ATG4D: variants seen among roughly 807,000 people sequenced by gnomAD.
ATG4D encodes autophagy related 4D cysteine peptidase.
A neutral mutation model predicts 55.2 loss-of-function variants in ATG4D; 51 were observed. The observed-to-expected ratio is 0.92, with a 90% CI of 0.74 to 1.17. ATG4D has a LOEUF of 1.17. Ranked by LOEUF, ATG4D falls within the 50% of genes most tolerant of loss-of-function variation. ATG4D has a pLI of 0.00. For synonymous variants in ATG4D, 268 were observed against 266.2 expected (o/e 1.01, Z -0.07); for missense variants, 635 against 649.6 (o/e 0.98, Z 0.25).
At chr19:10,544,756 C>T (rs776649819) in intron 1 of ATG4D, 27 bp from the exon 2 acceptor site, 2 of 1,612,514 alleles carry the variant, frequency 1.2e-6, no homozygotes, top group Non-Finnish European at 1.7e-6. Context: ...CTTCATCTCG[C>T]TGGGCGCTGC....
rs375489909 is a variant in ATG4D, at chr19:10,547,253, G to A, written c.835G>A (p.Val279Met). 31 of 1,612,386 alleles carry A rather than the reference G, an allele frequency of 1.9e-5. No individual in the cohort carries two copies. Among genetic ancestry groups the A allele is most frequent in the Middle Eastern group, 1.7e-4 (1 of 6,058 alleles). ...LVVYVSQDCTVYKADVARLVA... is the reference protein window; with the variant it reads ...LVVYVSQDCTMYKADVARLVA... ...GGTGTACGTTTCTCAGGACTGCACA[G>A]GTAAGGGGCTGGGAGCCAAGATCAC... is the stretch of plus-strand genomic sequence containing the variant. The change falls in exon 5 of 10, where the codon GTG becomes ATG. Residue 279 changes from valine to methionine, a missense_variant and splice_region_variant. Coordinates refer to ENST00000309469, the MANE Select transcript of ATG4D (RefSeq NM_032885.6).
In ATG4D at chr19:10,548,938, G is replaced by A; in HGVS notation, c.870G>A (p.Arg290=). 1 of 1,614,100 alleles carries A rather than the reference G, an allele frequency of 6.2e-7. No homozygotes were observed. The highest frequency in any genetic ancestry group is 8.5e-7 in the Non-Finnish European group (1 of 1,180,022). ...YKADVARLVA[R]PDPTAEWKSV... ...CGGATGTGGCACGCCTGGTGGCCAG[G>A]CCAGACCCCACAGCCGAGTGGAAGT... The change falls in exon 6 of 10, where the codon AGG becomes AGA. Residue 290 remains arginine, a synonymous_variant. Coordinates refer to ENST00000309469, the MANE Select transcript of ATG4D (RefSeq NM_032885.6).
chr19:10,552,306 C>CT lies in ATG4D; in HGVS notation c.1225dup (p.Cys409LeufsTer61). On this transcript the variant is annotated frameshift_variant, in exon 9 of 10. Coordinates refer to ENST00000309469, the MANE Select transcript of ATG4D (RefSeq NM_032885.6). LOFTEE classifies it high-confidence loss of function. ...GAGACAGGAAGGAGTTTGAGACACTCTGCTCAGAGCTGACCAGGGTGAGCA... is the reference window on the plus strand; with the variant it reads ...GAGACAGGAAGGAGTTTGAGACACTCTTGCTCAGAGCTGACCAGGGTGAGCA... 1 of 1,612,910 alleles carries CT rather than the reference C, an allele frequency of 6.2e-7. No individual in the cohort carries two copies. Among genetic ancestry groups the CT allele is most frequent in the Non-Finnish European group, 8.5e-7 (1 of 1,179,974 alleles).
In ATG4D at chr19:10,548,897, C is replaced by T; in HGVS notation, c.836-7C>T. ...GAAGGTGACCTGCTGCTGTCCCGTC[C>T]CTCCAGTGTACAAGGCGGATGTGGC... On this transcript the variant is annotated splice_polypyrimidine_tract_variant and splice_region_variant and intron_variant, in intron 5 of 9. Transcript: ENST00000309469. The T allele has an allele frequency of 6.2e-7, 1 of 1,612,914 alleles. No homozygotes were observed. The highest frequency in any genetic ancestry group is 8.5e-7 in the Non-Finnish European group (1 of 1,179,098).
chr19:10,547,139 G>A (rs775554790), intron 4 of ATG4D, 24 bp downstream of exon 4: 3 of 1,610,136 alleles, frequency 1.9e-6, no homozygotes, highest in East Asian at 2.2e-5. Flanking sequence ...CAGGGATCAC[G>A]GGAGTTGCTG....
Position 10,553,195 on chromosome 19 carries a change from A to G in ATG4D, c.*128A>G. Reference sequence around the variant, plus strand: ...TGTCAGCCCCTCAAGCCCAGCTGCAACCAGTCTGGGGCCATTCAGCCAGGG... The same window carrying G: ...TGTCAGCCCCTCAAGCCCAGCTGCAGCCAGTCTGGGGCCATTCAGCCAGGG... On this transcript the variant is annotated 3_prime_UTR_variant, in exon 10 of 10. Coordinates refer to ENST00000309469, the MANE Select transcript of ATG4D (RefSeq NM_032885.6). 8.3e-7 allele frequency: 1 copy of G among 1,209,104 alleles called. No individual in the cohort carries two copies. The highest frequency in any genetic ancestry group is 1.5e-5 in the South Asian group (1 of 65,334). The allele number at this position is 1,209,104 out of a possible 1,614,324, so 74.9% of individuals were successfully genotyped here.
At chr19:10,552,377 G>A (rs1487535871) in intron 9 of ATG4D, 53 bp downstream of exon 9, 25 of 1,565,576 alleles carry the variant, frequency 1.6e-5, no homozygotes, top group Non-Finnish European at 2.0e-5. Context: ...GGCAGGGCTG[G>A]GGGTGAAAGA....
At chr19:10,552,795 G>A (rs781329407) in intron 9 of ATG4D, 90 bp from the exon 10 acceptor site, 1 of 1,356,496 alleles carries the variant, frequency 7.4e-7, no homozygotes, top group Non-Finnish European at 1.0e-6. Flanking sequence ...CTGGAGAGGT[G>A]GTCCTGAGAA....
In ATG4D at chr19:10,544,237, T is replaced by A; in HGVS notation, c.147T>A (p.Leu49=). The A allele has an allele frequency of 7.9e-7, 1 of 1,258,826 alleles. No homozygotes were observed. 78.0% of individuals were successfully genotyped at this position (1,258,826 alleles called of 1,614,324 possible). A position where few individuals can be genotyped will look rare whatever the true frequency, so the allele number is the denominator to read the frequency against. Residue 49 remains leucine, a synonymous_variant, in exon 1 of 10, where the codon CTT becomes CTA. Coordinates refer to ENST00000309469, the MANE Select transcript of ATG4D (RefSeq NM_032885.6). ...CTTCCGGAGCCAGCGGCCCCGCTCT[T>A]GGCTCTCCCGGGGCTGGCCCGAGTG... The part of the protein sequence containing the change: ...LGPSGASGPA[L]GSPGAGPSEP...
chr19:10,544,645 C>T, intron 1 of ATG4D, 138 bp from the exon 2 acceptor site: 12 of 1,474,526 alleles, frequency 8.1e-6, no homozygotes, highest in Non-Finnish European at 9.0e-6. Context: ...CTGGGGGCCC[C>T]ACCTCCGACG....
intron 6 of ATG4D, among the ~76,000 whole-genome samples, chr19:10,550,708 CT>C (rs34184188): frequency 0.12 from 11,780 of 99,734 alleles, 289 homozygotes; most frequent in Admixed American, 0.19. Context: ...ATGCATGTGG[CT>C]TTTTTTTTTT....
rs531141762 is a variant in ATG4D at position 10,553,260 on chromosome 19, G to C, written c.*193G>C. On this transcript the variant is annotated 3_prime_UTR_variant, in exon 10 of 10. Transcript: ENST00000309469. ...GCCCATACACCTGTCTCCCACCAGC[G>C]GGGCCCTCCTGGCAGGGTAGGGAAG... 2 of 702,590 alleles carry C rather than the reference G, an allele frequency of 2.8e-6. No homozygotes were observed. The highest frequency in any genetic ancestry group is 4.4e-6 in the Non-Finnish European group (2 of 454,584). The allele number at this position is 702,590 out of a possible 1,614,324, so 43.5% of individuals were successfully genotyped here.
intron 6 of ATG4D, 97 bp downstream of exon 6, chr19:10,549,131 T>A (rs1916142100): frequency 2.8e-6 from 4 of 1,446,610 alleles, no homozygotes; most frequent in Non-Finnish European, 3.7e-6. Flanking sequence ...CTCATCACTT[T>A]TTTTTTTTTG....
chr19:10,544,519 G>A (rs959796945), intron 1 of ATG4D, among the ~76,000 whole-genome samples, 194 bp downstream of exon 1: 1 of 152,132 alleles, frequency 6.6e-6, no homozygotes, highest in African/African-American at 2.4e-5. Flanking sequence ...GTGACCTTGG[G>A]CAAGATCCTT....
chr19:10,551,560 T>C (rs2011172), intron 6 of ATG4D, among the ~76,000 whole-genome samples: 146,454 of 151,730 alleles, frequency 0.97, 70,714 homozygotes, highest in East Asian at 1. Context: ...TTAACCCGGG[T>C]GTGGTGGCGG....
In ATG4D at chr19:10,553,259, C is replaced by T. The variant is rs1435001167; in HGVS notation, c.*192C>T. On this transcript the variant is annotated 3_prime_UTR_variant, in exon 10 of 10. Transcript: ENST00000309469. ...AGCCCATACACCTGTCTCCCACCAG[C>T]GGGGCCCTCCTGGCAGGGTAGGGAA... 1.0e-5 allele frequency: 7 copies of T among 699,312 alleles called. No homozygotes were observed. Among genetic ancestry groups the T allele is most frequent in the East Asian group, 2.8e-5 (1 of 35,444 alleles). The allele number at this position is 699,312 out of a possible 1,614,324, so 43.3% of individuals were successfully genotyped here. A position where few individuals can be genotyped will look rare whatever the true frequency, so the allele number is the denominator to read the frequency against.
intron 5 of ATG4D, among the ~76,000 whole-genome samples, chr19:10,547,655 A>G (rs1443357375): frequency 1.4e-5 from 2 of 143,142 alleles, no homozygotes; most frequent in Non-Finnish European, 3.0e-5. Flanking sequence ...AAAAGAGGCC[A>G]GGCGCAGTGG....
At position 10,548,928 on chromosome 19, in the gene ATG4D, T is replaced by G; in HGVS notation, c.860T>G (p.Leu287Arg). The G allele has an allele frequency of 6.2e-7, 1 of 1,614,066 alleles. No individual in the cohort carries two copies. The highest frequency in any genetic ancestry group is 8.5e-7 in the Non-Finnish European group (1 of 1,179,984). ...CTVYKADVAR[L>R]VARPDPTAEW... ...GTGTACAAGGCGGATGTGGCACGCC[T>G]GGTGGCCAGGCCAGACCCCACAGCC... Residue 287 changes from leucine to arginine, a missense_variant, in exon 6 of 10, where the codon CTG (leucine) becomes CGG (arginine). Transcript: ENST00000309469.
At chr19:10,547,163 A>G in intron 4 of ATG4D, 26 bp from the exon 5 acceptor site, 1 of 1,613,170 alleles carries the variant, frequency 6.2e-7, no homozygotes, top group Non-Finnish European at 8.5e-7. Flanking sequence ...ACCCGCAGGC[A>G]CTCAGGCCTT....
Sources: gnomAD v4.1 joint callset for allele counts (sites outside exome capture counted in the v4.1 genomes callset) on GRCh38, gnomAD v4.1.1 for gene constraint, MANE v1.5 for transcripts, NCBI Gene and HGNC (gene_info 2026-07-23, HGNC 2026-07-21) for gene names.